Variants in CCDC18 observed in about 807,000 individuals in gnomAD.
CCDC18 encodes the protein coiled-coil domain containing 18.
A neutral mutation model predicts 196.0 loss-of-function variants in CCDC18; 157 were observed. The observed-to-expected ratio is 0.80, with a 90% CI of 0.70 to 0.91. The LOEUF is 0.91. Ranked by LOEUF, CCDC18 falls within the 40% of genes least tolerant of loss-of-function variation. The pLI is 0.00. For missense variants in CCDC18, 1,465 were observed against 1,611.6 expected (o/e 0.91, Z 1.56); for synonymous variants, 482 against 529.2 (o/e 0.91, Z 1.22).
In CCDC18 at chr1:93,214,833, G is replaced by A. The variant is rs765081765; in HGVS notation, c.1586G>A (p.Arg529His). 11 of 1,613,076 alleles carry A rather than the reference G, an allele frequency of 6.8e-6. No individual in the cohort carries two copies. The highest frequency in any genetic ancestry group is 4.4e-5 in the South Asian group (4 of 91,060). ...CTTGTTACTGGAATAGAAGAACTACGTACTAAGCTGATACAAATAGAAGCT... is the reference window on the plus strand; with the variant it reads ...CTTGTTACTGGAATAGAAGAACTACATACTAAGCTGATACAAATAGAAGCT... ...QRLVTGIEEL[R>H]TKLIQIEAEN... The change falls in exon 12 of 29, where the codon CGT (arginine) becomes CAT (histidine). Residue 529 changes from arginine to histidine, a missense_variant. Coordinates refer to ENST00000690025, the MANE Select transcript of CCDC18 (RefSeq NM_001378204.1).
chr1:93,216,680 G>C lies in CCDC18; in HGVS notation c.1764G>C (p.Leu588=), dbSNP rs762649447. 6.3e-7 allele frequency: 1 copy of C among 1,585,522 alleles called. No homozygotes were observed. The highest frequency in any genetic ancestry group is 1.2e-5 in the South Asian group (1 of 85,618). Residue 588 remains leucine (L), a synonymous_variant, in exon 13 of 29, where the codon CTG becomes CTC. Coordinates refer to ENST00000690025, the MANE Select transcript of CCDC18 (RefSeq NM_001378204.1). ...AACTTTTAACTCTTGAGAAACAGCTGGAAGAAAAGATAGTTGCTTATTCCT... is the reference window on the plus strand; with the variant it reads ...AACTTTTAACTCTTGAGAAACAGCTCGAAGAAAAGATAGTTGCTTATTCCT... The part of the protein sequence containing the change: ...CSQLLTLEKQ[L]EEKIVAYSSI...
At chr1:93,206,634 G>T (rs1211120255) in intron 8 of CCDC18, among the ~76,000 whole-genome samples, 4 of 152,054 alleles carry the variant, frequency 2.6e-5, no homozygotes, top group Non-Finnish European at 5.9e-5. Context: ...TTTCTTAAAA[G>T]AATCCTTGTA....
In CCDC18 at chr1:93,246,204, G is replaced by T; in HGVS notation, c.3081G>T (p.Gln1027His). The T allele has an allele frequency of 6.3e-7, 1 of 1,585,710 alleles. No individual in the cohort carries two copies. Among genetic ancestry groups the T allele is most frequent in the Non-Finnish European group, 8.6e-7 (1 of 1,165,990 alleles). Residue 1027 changes from glutamine to histidine, a missense_variant and splice_region_variant, in exon 22 of 29, where the codon CAG (glutamine) becomes CAT (histidine). Physicochemically the swap from Gln to His is conservative, Grantham distance 24 (BLOSUM62 0). Transcript: ENST00000690025. Reference protein sequence around the residue: ...RNWELKQRAAQVTHLDMTIRE... With the variant: ...RNWELKQRAAHVTHLDMTIRE... ...GGGAACTAAAGCAAAGAGCAGCTCA[G>T]GTTGATTTTTCTTGATTATATTTTA...
intron 27 of CCDC18, among the ~76,000 whole-genome samples, chr1:93,265,397 G>T (rs956769255): frequency 5.9e-5 from 9 of 152,208 alleles, no homozygotes; most frequent in African/African-American, 2.2e-4. Flanking sequence ...TTAAGAAAAA[G>T]TTGAATTAAT....
intron 7 of CCDC18, 51 bp downstream of exon 7, chr1:93,202,039 A>T: frequency 3.0e-6 from 3 of 1,006,996 alleles, no homozygotes; most frequent in African/African-American, 1.6e-5. Flanking sequence ...TCTATATTCC[A>T]ACAGTAAAGG....
At chr1:93,216,570 T>A in intron 12 of CCDC18, 66 bp from the exon 13 acceptor site, 3 of 758,846 alleles carry the variant, frequency 4.0e-6, no homozygotes, top group South Asian at 3.9e-5. Flanking sequence ...AGCAGGTGTT[T>A]GATCTTAGAA....
chr1:93,275,785 C>T (rs762486060), intron 28 of CCDC18, among the ~76,000 whole-genome samples: 5 of 152,166 alleles, frequency 3.3e-5, no homozygotes, highest in Non-Finnish European at 2.9e-5. Flanking sequence ...CCTCTTAATT[C>T]GTTCACTGCC....
chr1:93,272,190 A>G (rs796607150), intron 28 of CCDC18, among the ~76,000 whole-genome samples: 74 of 152,316 alleles, frequency 4.9e-4, no homozygotes, highest in African/African-American at 1.7e-3. Context: ...TGGCTTAAGT[A>G]TATGTCTATC....
At chr1:93,267,015 C>T (rs574341923) in intron 27 of CCDC18, among the ~76,000 whole-genome samples, 27 of 152,296 alleles carry the variant, frequency 1.8e-4, no homozygotes, top group African/African-American at 6.0e-4. Flanking sequence ...AGACCAATAT[C>T]CCTGATGAAC....
At chr1:93,198,426 G>A (rs1653167256) in intron 6 of CCDC18, among the ~76,000 whole-genome samples, 1 of 152,160 alleles carries the variant, frequency 6.6e-6, no homozygotes, top group Non-Finnish European at 1.5e-5. Flanking sequence ...AACATATGTT[G>A]TTAAAAGTCC....
chr1:93,204,728 C>T (rs1000419562), intron 7 of CCDC18, among the ~76,000 whole-genome samples: 1 of 151,986 alleles, frequency 6.6e-6, no homozygotes, highest in African/African-American at 2.4e-5. Context: ...ATTAAGGTCT[C>T]ACTAGGTACT....
At chr1:93,206,033 G>A (rs535233110) in intron 8 of CCDC18, among the ~76,000 whole-genome samples, 1 of 152,154 alleles carries the variant, frequency 6.6e-6, no homozygotes, top group South Asian at 2.1e-4. Context: ...AGCCCCGAGA[G>A]TAGCCAGAAT....
chr1:93,195,130 CA>C (rs898135980), intron 6 of CCDC18, among the ~76,000 whole-genome samples: 103 of 152,260 alleles, frequency 6.8e-4, no homozygotes, highest in African/African-American at 2.4e-3. Flanking sequence ...CTTGGCCTCC[CA>C]AAGTGCTGGA....
At chr1:93,242,877 C>A (rs1209986390) in intron 21 of CCDC18, among the ~76,000 whole-genome samples, 3 of 152,252 alleles carry the variant, frequency 2.0e-5, no homozygotes, top group Non-Finnish European at 4.4e-5. Flanking sequence ...CCAGGTCACA[C>A]TGATGCAAGA....
chr1:93,180,076 G>T (rs751028372), upstream of CCDC18: 2 of 1,613,236 alleles, frequency 1.2e-6, no homozygotes, highest in South Asian at 2.2e-5. Flanking sequence ...CTCCAGCGAG[G>T]CCTTCAGGGG....
At chr1:93,182,108 G>C (rs1018925804) in intron 1 of CCDC18, among the ~76,000 whole-genome samples, 2 of 152,170 alleles carry the variant, frequency 1.3e-5, no homozygotes, top group African/African-American at 4.8e-5. Flanking sequence ...ACTTGTCTGC[G>C]AGAGTCTTGT....
intron 25 of CCDC18, among the ~76,000 whole-genome samples, chr1:93,258,169 T>G (rs989266835): frequency 5.3e-5 from 8 of 151,928 alleles, no homozygotes; most frequent in Non-Finnish European, 1.0e-4. Flanking sequence ...TTATGGGACC[T>G]CCTACCATAT....
chr1:93,197,968 A>G (rs145406843), intron 6 of CCDC18, among the ~76,000 whole-genome samples: 9,385 of 151,616 alleles, frequency 0.062, 364 homozygotes, highest in East Asian at 0.091. Context: ...AGCCAGGATG[A>G]TCTCAATCTC....
In CCDC18 at chr1:93,192,546, C is replaced by T. The variant is rs572677999; in HGVS notation, c.569+440C>T. On this transcript the variant is annotated intron_variant, in intron 5 of 28. Coordinates refer to ENST00000690025, the MANE Select transcript of CCDC18 (RefSeq NM_001378204.1). Reference sequence around the variant, plus strand: ...TCCTGGGTTCAAGTGATCATTCTGCCTCAGCCTCCCAAGGAGGTGGGACTA... The same window carrying T: ...TCCTGGGTTCAAGTGATCATTCTGCTTCAGCCTCCCAAGGAGGTGGGACTA... Among the ~76,000 whole-genome samples, 24 of 152,330 alleles carry T rather than the reference C, an allele frequency of 1.6e-4. No homozygotes were observed. The South Asian group carries it at 5.0e-3, about 32-fold the overall frequency.
Sources: gnomAD v4.1 joint callset for allele counts (sites outside exome capture counted in the v4.1 genomes callset) on GRCh38, gnomAD v4.1.1 for gene constraint, MANE v1.5 for transcripts, NCBI Gene and HGNC (gene_info 2026-07-23, HGNC 2026-07-21) for gene names.